TENM2: variants seen among roughly 807,000 people sequenced by gnomAD.
TENM2 encodes teneurin transmembrane protein 2.
A neutral mutation model predicts 245.2 loss-of-function variants in TENM2; 52 were observed. That is an observed-to-expected ratio of 0.21 (90% confidence interval 0.17 to 0.27). TENM2 has a LOEUF of 0.27. TENM2 is among the 10% of genes least tolerant of loss of function. The probability of loss-of-function intolerance (pLI) is 1.00; values close to 1 mark genes in which losing one functional copy is unlikely to be tolerated. For synonymous variants in TENM2, 1,363 were observed against 1,438.9 expected, an observed-to-expected ratio of 0.95 and a Z score of 1.19; for missense variants, 3,046 against 3,666.8, an observed-to-expected ratio of 0.83 and a Z score of 4.37.
chr5:167,603,371 G>A (rs1188552224), intron 2 of TENM2, among the ~76,000 whole-genome samples: 2 of 152,150 alleles, frequency 1.3e-5, no homozygotes, highest in African/African-American at 4.8e-5. Flanking sequence ...CAGGTTAAGA[G>A]ATACTTACAG....
At chr5:167,295,939 A>G (rs750635819) in intron 1 of TENM2, among the ~76,000 whole-genome samples, 1 of 152,210 alleles carries the variant, frequency 6.6e-6, no homozygotes, top group Admixed American at 6.5e-5. Context: ...GTGCACCACA[A>G]TATTAAAAAT....
chr5:167,212,514 A>G, the TENM2 span, among the ~76,000 whole-genome samples: 8 of 152,218 alleles, frequency 5.3e-5, no homozygotes, highest in Non-Finnish European at 1.0e-4. Context: ...TGAATCTTTC[A>G]AATACAACAC....
intron 2 of TENM2, among the ~76,000 whole-genome samples, chr5:167,666,765 T>C (rs1488069224): frequency 6.6e-6 from 1 of 152,204 alleles, no homozygotes; most frequent in African/African-American, 2.4e-5. Context: ...AGACATTATA[T>C]AAATTCAGTC....
chr5:168,070,821 A>AGAG (rs1562121012), intron 7 of TENM2, among the ~76,000 whole-genome samples: 13,944 of 100,188 alleles, frequency 0.14, 770 homozygotes, highest in Non-Finnish European at 0.16. Flanking sequence ...GAGAGAGAGA[A>AGAG]AAAAAGAAAG....
At chr5:167,041,992 G>T in the TENM2 span, among the ~76,000 whole-genome samples, 4 of 152,162 alleles carry the variant, frequency 2.6e-5, no homozygotes, top group Admixed American at 6.5e-5. Flanking sequence ...CTTAGCATTT[G>T]TCTGTCTGAC....
At chr5:168,061,982 G>C in intron 6 of TENM2, 78 bp from the exon 9 acceptor site, 2 of 1,287,396 alleles carry the variant, frequency 1.6e-6, no homozygotes, top group Non-Finnish European at 2.1e-6. Context: ...AAAAAACCTG[G>C]CATGTAATTA....
intron 13 of TENM2, among the ~76,000 whole-genome samples, chr5:168,170,528 A>G (rs1758714321): frequency 6.6e-6 from 1 of 151,956 alleles, no homozygotes; most frequent in East Asian, 1.9e-4. Flanking sequence ...GAGAGAGAGA[A>G]AGACAGGAGG....
intron 28 of TENM2, 127 bp downstream of exon 30, chr5:168,260,540 C>A: frequency 9.6e-7 from 1 of 1,040,934 alleles, no homozygotes; most frequent in Non-Finnish European, 1.4e-6. Context: ...AGGTGCAGGA[C>A]ACATTGAGAC....
At chr5:167,014,236 G>T in the TENM2 span, among the ~76,000 whole-genome samples, 1 of 146,732 alleles carries the variant, frequency 6.8e-6, no homozygotes, top group Non-Finnish European at 1.5e-5. Flanking sequence ...AATTAGAAAT[G>T]GATGATGGCT....
At chr5:167,473,768 C>T (rs1352165941) in intron 2 of TENM2, among the ~76,000 whole-genome samples, 5 of 152,086 alleles carry the variant, frequency 3.3e-5, no homozygotes, top group African/African-American at 1.2e-4. Flanking sequence ...ACATCTGTTT[C>T]CTTATTTAGA....
chr5:167,678,249 A>G (rs1416871301), intron 2 of TENM2, among the ~76,000 whole-genome samples: 2 of 152,124 alleles, frequency 1.3e-5, no homozygotes, highest in Non-Finnish European at 2.9e-5. Context: ...TCTACGATTA[A>G]CATATGTTAT....
At chr5:167,519,668 T>C (rs553667146) in intron 2 of TENM2, among the ~76,000 whole-genome samples, 1 of 152,286 alleles carries the variant, frequency 6.6e-6, no homozygotes. Flanking sequence ...AGCATGAAAT[T>C]ATAGTTCGCT....
At chr5:166,989,541 T>C in the TENM2 span, among the ~76,000 whole-genome samples, 1 of 151,914 alleles carries the variant, frequency 6.6e-6, no homozygotes, top group Non-Finnish European at 1.5e-5. Flanking sequence ...CCACAGTGCC[T>C]GGCCCACATC....
intron 2 of TENM2, among the ~76,000 whole-genome samples, chr5:167,817,789 C>A (rs1229780418): frequency 6.6e-6 from 1 of 152,154 alleles, no homozygotes; most frequent in Non-Finnish European, 1.5e-5. Flanking sequence ...TACCTTCAGC[C>A]TTGTGGGGGA....
At chr5:167,275,253 A>C in the TENM2 span, among the ~76,000 whole-genome samples, 19 of 152,198 alleles carry the variant, frequency 1.2e-4, no homozygotes, top group Admixed American at 9.8e-4. Context: ...ACCACACAGT[A>C]TTGATTCCTG....
the TENM2 span, among the ~76,000 whole-genome samples, chr5:167,236,344 C>T: frequency 6.6e-6 from 1 of 152,112 alleles, no homozygotes; most frequent in African/African-American, 2.4e-5. Flanking sequence ...GGTATTTCTT[C>T]TTTGGACAGC....
intron 2 of TENM2, among the ~76,000 whole-genome samples, chr5:167,402,436 T>A (rs912072828): frequency 3.9e-5 from 6 of 152,142 alleles, no homozygotes; most frequent in African/African-American, 1.4e-4. Context: ...GAAGGTTTAA[T>A]GCTTATAATA....
At position 167,497,876 on chromosome 5, in the gene TENM2, A is replaced by G. The variant is rs548125436; in HGVS notation, c.502+122403A>G. 4.6e-5 allele frequency among the ~76,000 whole-genome samples: 7 copies of G among 152,008 alleles called. No individual in the cohort carries two copies. The South Asian group carries it at 1.5e-3, about 32-fold the overall frequency. ...TGGAGGACCAAAGTTTGAACAGTCTATTCATTATCACAGAAATAGCATCTA... is the reference window on the plus strand; with the variant it reads ...TGGAGGACCAAAGTTTGAACAGTCTGTTCATTATCACAGAAATAGCATCTA... On this transcript the variant is annotated intron_variant, in intron 2 of 28. Transcript: ENST00000518659.
intron 2 of TENM2, among the ~76,000 whole-genome samples, chr5:167,712,669 T>G (rs1758987467): frequency 6.6e-6 from 1 of 152,190 alleles, no homozygotes; most frequent in Non-Finnish European, 1.5e-5. Flanking sequence ...AAGCATAGCT[T>G]CAGTAAAGGT....
Sources: gnomAD v4.1 joint callset for allele counts (sites outside exome capture counted in the v4.1 genomes callset) on GRCh38, gnomAD v4.1.1 for gene constraint, MANE v1.5 for transcripts, NCBI Gene and HGNC (gene_info 2026-07-23, HGNC 2026-07-21) for gene names.